The following PKD1L1 variants were observed in gnomAD, a reference collection of about 807,000 sequenced individuals.
PKD1L1 encodes the protein polycystin-1-like protein 1.
PKD1L1 carries 236 observed loss-of-function variants against 323.4 expected under a neutral mutation model. The observed-to-expected ratio is 0.73, with a 90% confidence interval of 0.66 to 0.81. PKD1L1 has a LOEUF of 0.81. Ranked by LOEUF, PKD1L1 falls within the 40% of genes least tolerant of loss-of-function variation. The probability of loss-of-function intolerance (pLI) is 0.00; values close to 1 mark genes in which losing one functional copy is unlikely to be tolerated. For missense variants in PKD1L1, 3,320 were observed against 3,508.0 expected (o/e 0.95, Z 1.35); for synonymous variants, 1,344 against 1,335.0 (o/e 1.01, Z -0.15).
chr7:47,926,640 A>T (rs545119992), intron 7 of PKD1L1, among the ~76,000 whole-genome samples: 22 of 152,326 alleles, frequency 1.4e-4, no homozygotes, highest in African/African-American at 5.1e-4. Flanking sequence ...TATACTAGTC[A>T]GTGTGAGTCT....
At chr7:47,859,031 T>C in intron 26 of PKD1L1, 146 bp from the exon 27 acceptor site, 1 of 1,032,306 alleles carries the variant, frequency 9.7e-7, no homozygotes, top group Non-Finnish European at 1.4e-6. Flanking sequence ...ATATGATGCA[T>C]ATATTCTTGC....
At chr7:47,880,835 G>C in intron 20 of PKD1L1, 30 bp from the exon 21 acceptor site, 1 of 1,564,456 alleles carries the variant, frequency 6.4e-7, no homozygotes. Context: ...GCATGGAAAT[G>C]ACAGTCAGTG....
chr7:47,883,146 G>C (rs573893501), intron 19 of PKD1L1, among the ~76,000 whole-genome samples: 3 of 152,200 alleles, frequency 2.0e-5, no homozygotes, highest in Non-Finnish European at 2.9e-5. Context: ...ACAGATCTGC[G>C]TGTGTACTGT....
chr7:47,957,410 C>A, the PKD1L1 span: 1 of 152,196 alleles, frequency 6.6e-6, no homozygotes, highest in African/African-American at 2.4e-5. Flanking sequence ...ATGACACGAT[C>A]ATAAGTAGAG....
chr7:47,865,887 G>T (rs1023975454), intron 25 of PKD1L1, among the ~76,000 whole-genome samples: 2 of 150,196 alleles, frequency 1.3e-5, no homozygotes, highest in Non-Finnish European at 3.0e-5. Context: ...GAGCCACTGC[G>T]CCCAGCCAGA....
intron 1 of PKD1L1, among the ~76,000 whole-genome samples, chr7:47,945,884 G>A (rs748686093): frequency 6.6e-6 from 1 of 152,138 alleles, no homozygotes; most frequent in Non-Finnish European, 1.5e-5. Context: ...GGACATAGTT[G>A]GCCCTTGAGA....
At chr7:47,870,199 A>C (rs1480479111) in intron 24 of PKD1L1, among the ~76,000 whole-genome samples, 12 of 152,072 alleles carry the variant, frequency 7.9e-5, no homozygotes, top group Non-Finnish European at 1.3e-4. Flanking sequence ...AAACAAGAGC[A>C]AAGTAAACCA....
chr7:47,850,344 A>C (rs1181944002), intron 31 of PKD1L1, among the ~76,000 whole-genome samples: 1 of 152,222 alleles, frequency 6.6e-6, no homozygotes, highest in Non-Finnish European at 1.5e-5. Context: ...TAATGTTAAA[A>C]AATGGGGACG....
intron 8 of PKD1L1, among the ~76,000 whole-genome samples, chr7:47,913,246 A>T (rs974273392): frequency 9.9e-5 from 15 of 152,028 alleles, no homozygotes; most frequent in African/African-American, 3.1e-4. Flanking sequence ...GAATTTTCCT[A>T]AAAAAAATCT....
At chr7:47,862,007 C>A (rs1161171591) in intron 26 of PKD1L1, among the ~76,000 whole-genome samples, 1 of 151,278 alleles carries the variant, frequency 6.6e-6, no homozygotes, top group Non-Finnish European at 1.5e-5. Context: ...CCAGCCTGAC[C>A]AACAAGGTGA....
At chr7:47,865,334 T>C in intron 25 of PKD1L1, 62 bp from the exon 26 acceptor site, 2 of 1,468,994 alleles carry the variant, frequency 1.4e-6, no homozygotes, top group Non-Finnish European at 1.9e-6. Flanking sequence ...ATTAGCTTGT[T>C]TGGGTTAAAG....
chr7:47,801,610 G>A (rs544093131), intron 53 of PKD1L1, among the ~76,000 whole-genome samples: 1 of 152,340 alleles, frequency 6.6e-6, no homozygotes, highest in South Asian at 2.1e-4. Context: ...TGCATTCTGT[G>A]TGGGTGCTTG....
At chr7:47,879,396 G>A (rs1786480563) in intron 21 of PKD1L1, among the ~76,000 whole-genome samples, 1 of 152,126 alleles carries the variant, frequency 6.6e-6, no homozygotes, top group African/African-American at 2.4e-5. Context: ...TGGAGGCCAA[G>A]GCAGGTGGAT....
chr7:47,840,582 C>T lies in PKD1L1; in HGVS notation c.5446-15G>A, dbSNP rs1233301982. ...ACAATGTACACCTCAAAACAAAGAA[C>T]AGGGGTGGGAACTCAGGCTATTTCA... On this transcript the variant is annotated splice_polypyrimidine_tract_variant and intron_variant, in intron 34 of 56. Transcript: ENST00000289672. This position sits in a 1 kb window ranked among gnomAD's most constrained non-coding sequence, Gnocchi z 4.1. 1 of 1,593,794 alleles carries T rather than the reference C, an allele frequency of 6.3e-7. No homozygotes were observed. The highest frequency in any genetic ancestry group is 8.6e-7 in the Non-Finnish European group (1 of 1,161,926).
intron 33 of PKD1L1, 84 bp downstream of exon 33, chr7:47,844,911 C>A (rs1785632480): frequency 1.8e-6 from 2 of 1,115,672 alleles, no homozygotes; most frequent in African/African-American, 1.6e-5. Flanking sequence ...ATTTCAAGCA[C>A]CCCCGGAATT....
At position 47,946,002 on chromosome 7, in the gene PKD1L1, A is replaced by G. The variant is rs980399293; in HGVS notation, c.44+2395T>C. 6.6e-6 allele frequency among the ~76,000 whole-genome samples: 1 copy of G among 152,198 alleles called. No individual in the cohort carries two copies. Among genetic ancestry groups the G allele is most frequent in the Non-Finnish European group, 1.5e-5 (1 of 68,038 alleles). On this transcript the variant is annotated intron_variant, in intron 1 of 56. Transcript: ENST00000289672. This position sits in a 1 kb window ranked among gnomAD's most constrained non-coding sequence, Gnocchi z 4.1. ...CAAAGCTAATTTTCCTTGAGATTTC[A>G]GAGGTCTTTTCAAATAAAAAAAATG...
Position 47,893,941 on chromosome 7 carries a change from G to A in PKD1L1, c.2390C>T (p.Ser797Leu), listed in dbSNP as rs1437519816. 1.2e-6 allele frequency: 2 copies of A among 1,613,970 alleles called. No individual in the cohort carries two copies. The highest frequency in any genetic ancestry group is 2.7e-5 in the African/African-American group (2 of 74,918). The change falls in exon 15 of 57, where the codon TCA becomes TTA. Residue 797 changes from serine to leucine, a missense_variant. Ser to Leu is a moderately radical substitution (Grantham distance 145). Coordinates refer to ENST00000289672, the MANE Select transcript of PKD1L1 (RefSeq NM_138295.5). ...GTHLFFSRTT[S>L]SPIVLRGTQS... ...GGTCCCTCTGAGGACAATGGGGGAT[G>A]AGGTGGTCCTGGAGAAGAATAGGTG...
intron 7 of PKD1L1, 46 bp from the exon 8 acceptor site, chr7:47,915,645 T>C (rs1787412732): frequency 8.1e-7 from 1 of 1,236,846 alleles, no homozygotes; most frequent in Non-Finnish European, 1.1e-6. Context: ...TGGAAATTAA[T>C]AAACTAGGGG....
intron 14 of PKD1L1, among the ~76,000 whole-genome samples, 168 bp from the exon 15 acceptor site, chr7:47,894,227 T>C (rs891611558): frequency 2.6e-5 from 4 of 152,200 alleles, no homozygotes; most frequent in Non-Finnish European, 1.5e-5. Context: ...CTGTACGACA[T>C]GAGAGCTGTG....
Sources: gnomAD v4.1 joint callset for allele counts (sites outside exome capture counted in the v4.1 genomes callset) on GRCh38, gnomAD v4.1.1 for gene constraint, Gnocchi (gnomAD v3.1) non-coding constraint, MANE v1.5 for transcripts, NCBI Gene and HGNC (gene_info 2026-07-23, HGNC 2026-07-21) for gene names.